Variants in MELK observed in about 807,000 individuals in gnomAD.
The protein encoded by MELK is pEg3 kinase.
A neutral mutation model predicts 85.0 loss-of-function variants in MELK; 81 were observed. The ratio of observed to expected loss-of-function variants is 0.95; its 90% CI spans 0.80 to 1.15. The LOEUF (loss-of-function observed/expected upper bound fraction) is 1.15, where lower values mean the gene tolerates loss of function less well. MELK is among the 50% of genes most tolerant of loss of function. The pLI, the probability that MELK is intolerant of heterozygous loss-of-function variation, is 0.00. For synonymous variants in MELK, 252 were observed against 265.0 expected (o/e 0.95, Z 0.48); for missense variants, 754 against 777.5 (o/e 0.97, Z 0.36).
intron 15 of MELK, among the ~76,000 whole-genome samples, chr9:36,670,634 A>G (rs540305734): frequency 1.1e-4 from 17 of 151,804 alleles, no homozygotes; most frequent in African/African-American, 1.4e-4. Flanking sequence ...TATATTATCT[A>G]TATCCAAATA....
At chr9:36,641,749 A>G (rs1313221446) in intron 10 of MELK, among the ~76,000 whole-genome samples, 1 of 151,842 alleles carries the variant, frequency 6.6e-6, no homozygotes, top group African/African-American at 2.4e-5. Flanking sequence ...CTGGGATTAC[A>G]GGCATGCACC....
intron 7 of MELK, among the ~76,000 whole-genome samples, chr9:36,602,559 CTTTT>C (rs112982020): frequency 2.5e-5 from 3 of 119,592 alleles, no homozygotes; most frequent in African/African-American, 3.3e-5. Context: ...GCTCTACAGA[CTTTT>C]TTTTTTTTTT....
chr9:36,586,147 C>A (rs1822875883), intron 3 of MELK, among the ~76,000 whole-genome samples: 1 of 151,938 alleles, frequency 6.6e-6, no homozygotes, highest in Admixed American at 6.6e-5. Context: ...TTGAGACCAG[C>A]CTGGGCAACA....
At chr9:36,616,387 C>CTTTTTTT (rs60212848) in intron 8 of MELK, among the ~76,000 whole-genome samples, 25 of 114,638 alleles carry the variant, frequency 2.2e-4, no homozygotes, top group African/African-American at 7.3e-4. Flanking sequence ...ATGTCAAACT[C>CTTTTTTT]TTTTTTTTTT....
chr9:36,623,645 G>T (rs1827659167), intron 8 of MELK, among the ~76,000 whole-genome samples: 1 of 152,242 alleles, frequency 6.6e-6, no homozygotes, highest in South Asian at 2.1e-4. Flanking sequence ...GATAGCTGCA[G>T]TGGGGCAGTG....
intron 17 of MELK, among the ~76,000 whole-genome samples, chr9:36,675,833 T>G (rs1014849079): frequency 1.3e-5 from 2 of 152,216 alleles, no homozygotes; most frequent in Non-Finnish European, 2.9e-5. Context: ...AGAAGAGACA[T>G]GCATGGATTT....
chr9:36,579,987 G>C (rs1263899940), intron 1 of MELK, among the ~76,000 whole-genome samples: 1 of 150,922 alleles, frequency 6.6e-6, no homozygotes, highest in Non-Finnish European at 1.5e-5. Flanking sequence ...TGTATGACTG[G>C]GGTCTTAGTT....
intron 6 of MELK, among the ~76,000 whole-genome samples, chr9:36,599,048 C>A (rs1395289661): frequency 6.6e-6 from 1 of 152,132 alleles, no homozygotes; most frequent in Non-Finnish European, 1.5e-5. Flanking sequence ...GTAATCCCGG[C>A]ACTTTGGGAG....
chr9:36,595,236 C>T (rs781169645), intron 5 of MELK, among the ~76,000 whole-genome samples: 8 of 151,382 alleles, frequency 5.3e-5, no homozygotes, highest in South Asian at 4.2e-4. Context: ...CCTGGGTTCA[C>T]GCCATTCTCC....
chr9:36,595,072 A>G (rs1321674995), intron 5 of MELK, among the ~76,000 whole-genome samples: 1 of 150,030 alleles, frequency 6.7e-6, no homozygotes, highest in African/African-American at 2.5e-5. Context: ...GATTACAGGC[A>G]CAGGGCACCA....
At position 36,671,148 on chromosome 9, in the gene MELK, C is replaced by T. The variant is rs115242044; in HGVS notation, c.1656C>T (p.Asp552=). ...GCAAAAGGAAGGGTTCTGCCAGAGA[C>T]GGGCCCAGAAGACTAAAGGTAAGCA... is the stretch of plus-strand genomic sequence containing the variant. The part of the protein sequence containing the change: ...TRSKRKGSAR[D]GPRRLKLHYN... The change falls in exon 16 of 18, where the codon GAC becomes GAT. Residue 552 remains aspartate, a synonymous_variant. Coordinates refer to ENST00000298048, the MANE Select transcript of MELK (RefSeq NM_014791.4). 1.2e-3 allele frequency: 1,953 copies of T among 1,604,022 alleles called. 14 individuals are homozygous for T. In the East Asian group the frequency reaches 0.02, roughly 16 times the overall value.
At chr9:36,585,311 T>TG (rs1444648704) in intron 3 of MELK, among the ~76,000 whole-genome samples, 6 of 141,164 alleles carry the variant, frequency 4.3e-5, no homozygotes, top group African/African-American at 1.6e-4. Context: ...TGTTTTTTTT[T>TG]TTTTTTTTTT....
At chr9:36,596,656 G>A (rs117952570) in intron 5 of MELK, among the ~76,000 whole-genome samples, 6,483 of 142,004 alleles carry the variant, frequency 0.046, 427 homozygotes, top group East Asian at 0.26. Flanking sequence ...GCACTGTCTC[G>A]GCTCACCCCA....
At chr9:36,631,949 A>G (rs1828678838) in intron 9 of MELK, among the ~76,000 whole-genome samples, 1 of 152,196 alleles carries the variant, frequency 6.6e-6, no homozygotes, top group Non-Finnish European at 1.5e-5. Flanking sequence ...GGTATGAGCC[A>G]CGGCATCCCG....
chr9:36,677,135 TA>T, intron 17 of MELK, 24 bp from the exon 18 acceptor site: 1 of 1,602,028 alleles, frequency 6.2e-7, no homozygotes. Context: ...TCCTACTAAC[TA>T]GCTTCTTATC....
intron 9 of MELK, among the ~76,000 whole-genome samples, chr9:36,632,098 C>T (rs772076341): frequency 3.3e-5 from 5 of 152,348 alleles, no homozygotes; most frequent in Non-Finnish European, 7.3e-5. Context: ...TTACCCCGGG[C>T]TTGTTAAAAT....
intron 13 of MELK, among the ~76,000 whole-genome samples, chr9:36,661,195 T>C (rs1430528413): frequency 2.0e-5 from 3 of 152,122 alleles, no homozygotes; most frequent in Non-Finnish European, 4.4e-5. Context: ...ATCATAGAGC[T>C]GGAGAGAGAA....
At chr9:36,646,593 T>G (rs1190291062) in intron 11 of MELK, among the ~76,000 whole-genome samples, 1 of 152,248 alleles carries the variant, frequency 6.6e-6, no homozygotes, top group African/African-American at 2.4e-5. Context: ...TTCCTGTTCC[T>G]CCAGCCCTGA....
intron 13 of MELK, among the ~76,000 whole-genome samples, chr9:36,664,085 C>T (rs1832109311): frequency 1.3e-5 from 2 of 152,056 alleles, no homozygotes; most frequent in South Asian, 4.1e-4. Context: ...ATTAAAATAT[C>T]TCTATTTCTT....
Sources: allele counts gnomAD v4.1 joint callset (sites outside exome capture counted in the v4.1 genomes callset), GRCh38; gene constraint gnomAD v4.1.1; transcripts MANE v1.5; gene names NCBI Gene and HGNC (gene_info 2026-07-23, HGNC 2026-07-21).